The following MDGA2 variants were observed in gnomAD, a reference collection of about 807,000 sequenced individuals.
MDGA2 encodes MAM domain containing glycosylphosphatidylinositol anchor 2.
In MDGA2, 40 loss-of-function variants were observed where a neutral mutation model predicts 117.8. The observed-to-expected ratio is 0.34, with a 90% CI of 0.26 to 0.44. MDGA2 has a LOEUF of 0.44. Ranked by LOEUF, MDGA2 falls within the 20% of genes least tolerant of loss-of-function variation. MDGA2 has a pLI of 1.00. For missense variants in MDGA2, 1,123 were observed against 1,250.6 expected (o/e 0.90, Z 1.54); for synonymous variants, 452 against 439.0 (o/e 1.03, Z -0.37).
intron 3 of MDGA2, among the ~76,000 whole-genome samples, chr14:47,171,662 G>A (rs1002384559): frequency 2.0e-5 from 3 of 152,210 alleles, no homozygotes; most frequent in Admixed American, 6.5e-5. Flanking sequence ...TTTGGAGAGG[G>A]CAGCCAAGAT....
At chr14:47,095,740 G>C (rs1215207712) in intron 6 of MDGA2, among the ~76,000 whole-genome samples, 1 of 151,884 alleles carries the variant, frequency 6.6e-6, no homozygotes, top group Admixed American at 6.6e-5. Flanking sequence ...GTTTTGAATA[G>C]AGTATACTTT....
intron 2 of MDGA2, among the ~76,000 whole-genome samples, chr14:47,250,715 T>A (rs900365358): frequency 6.6e-6 from 1 of 152,244 alleles, no homozygotes; most frequent in Non-Finnish European, 1.5e-5. Context: ...CAGTTCTAAG[T>A]TTTTTGTTGT....
intron 1 of MDGA2, among the ~76,000 whole-genome samples, chr14:47,401,152 A>C (rs534260342): frequency 1.6e-4 from 24 of 152,098 alleles, no homozygotes; most frequent in African/African-American, 5.1e-4. Context: ...CAAGTAGATA[A>C]ATTAACAACC....
chr14:47,312,927 C>CATATATAT (rs10672253), intron 1 of MDGA2, among the ~76,000 whole-genome samples: 22 of 146,470 alleles, frequency 1.5e-4, no homozygotes, highest in East Asian at 6.0e-4. Flanking sequence ...TATATATATA[C>CATATATAT]ATATATATAT....
intron 1 of MDGA2, among the ~76,000 whole-genome samples, chr14:47,478,105 G>A (rs1398818361): frequency 6.6e-6 from 1 of 152,094 alleles, no homozygotes; most frequent in Non-Finnish European, 1.5e-5. Flanking sequence ...CAATGCCAAA[G>A]GCAAAACTCA....
chr14:47,122,037 T>C (rs910355209), intron 5 of MDGA2, among the ~76,000 whole-genome samples: 2 of 152,036 alleles, frequency 1.3e-5, no homozygotes, highest in African/African-American at 4.8e-5. Context: ...TGTGTACTTA[T>C]GGGCTGCATC....
chr14:47,261,416 G>A lies in MDGA2; in HGVS notation c.420+39995C>T, dbSNP rs188013435. Among the ~76,000 whole-genome samples, 680 of 152,152 alleles carry A rather than the reference G, an allele frequency of 4.5e-3. 2 individuals carry two copies. Among genetic ancestry groups the A allele is most frequent in the Admixed American group, 0.011 (167 of 15,260 alleles). On this transcript the variant is annotated intron_variant, in intron 2 of 16. Transcript: ENST00000399232. ...TCCAGAAGATTTTAACAAGGAAAAA[G>A]GTAATGCAATAAGTAAGTAAGGATC...
At chr14:46,967,043 T>A (rs895011616) in intron 8 of MDGA2, among the ~76,000 whole-genome samples, 18 of 140,322 alleles carry the variant, frequency 1.3e-4, no homozygotes, top group East Asian at 6.4e-4. Context: ...GCAATTTTTT[T>A]AATTTTAAAA....
At chr14:47,097,932 A>C (rs570913377) in intron 5 of MDGA2, among the ~76,000 whole-genome samples, 2 of 152,156 alleles carry the variant, frequency 1.3e-5, no homozygotes, top group Admixed American at 6.6e-5. Flanking sequence ...CAGCCTTTTC[A>C]TCAAACACTC....
At chr14:47,659,671 C>G (rs1298349016) in intron 1 of MDGA2, among the ~76,000 whole-genome samples, 1 of 152,134 alleles carries the variant, frequency 6.6e-6, no homozygotes, top group Non-Finnish European at 1.5e-5. Flanking sequence ...ACTATCCACT[C>G]TCACTCAAAA....
At chr14:47,194,085 CT>C (rs1885205153) in intron 3 of MDGA2, among the ~76,000 whole-genome samples, 1 of 152,116 alleles carries the variant, frequency 6.6e-6, no homozygotes, top group Non-Finnish European at 1.5e-5. Context: ...AATTATATTT[CT>C]ATTTTACTAT....
intron 3 of MDGA2, among the ~76,000 whole-genome samples, chr14:47,163,047 C>G (rs1365358990): frequency 6.6e-6 from 1 of 152,190 alleles, no homozygotes; most frequent in Non-Finnish European, 1.5e-5. Flanking sequence ...ACTTCTGCTT[C>G]TGACACAGGA....
chr14:47,368,387 T>A (rs922497660), intron 1 of MDGA2, among the ~76,000 whole-genome samples: 1 of 152,198 alleles, frequency 6.6e-6, no homozygotes, highest in African/African-American at 2.4e-5. Flanking sequence ...ACACTAACTT[T>A]AACAAAATAT....
At position 47,142,759 on chromosome 14, in the gene MDGA2, T is replaced by C. The variant is rs145250185; in HGVS notation, c.792+1319A>G. On this transcript the variant is annotated intron_variant, in intron 4 of 16. Coordinates refer to ENST00000399232, the MANE Select transcript of MDGA2 (RefSeq NM_001113498.3). ...AGTCCTGCCTGCTGGCAGAGAACACTTAGTATCATAGTGGCCTAAATCAAG... is the reference window on the plus strand; with the variant it reads ...AGTCCTGCCTGCTGGCAGAGAACACCTAGTATCATAGTGGCCTAAATCAAG... Among the ~76,000 whole-genome samples, 387 of 152,258 alleles carry C rather than the reference T, an allele frequency of 2.5e-3. 3 individuals are homozygous for C. Among genetic ancestry groups the C allele is most frequent in the African/African-American group, 8.8e-3 (365 of 41,550 alleles).
At chr14:46,873,386 T>C in intron 14 of MDGA2, 47 bp downstream of exon 14, 1 of 1,507,572 alleles carries the variant, frequency 6.6e-7, no homozygotes, top group Non-Finnish European at 8.9e-7. Flanking sequence ...CTTTTTCTTC[T>C]TAGTTATCAT....
intron 5 of MDGA2, among the ~76,000 whole-genome samples, chr14:47,109,436 G>C (rs1566629850): frequency 6.6e-6 from 1 of 152,078 alleles, no homozygotes. Flanking sequence ...CCCCTCATTA[G>C]GACATTTGCC....
intron 3 of MDGA2, among the ~76,000 whole-genome samples, chr14:47,210,967 A>T (rs1023486436): frequency 1.3e-5 from 2 of 152,208 alleles, no homozygotes; most frequent in Non-Finnish European, 2.9e-5. Context: ...TAGGTAACAC[A>T]GCAAACCCTG....
chr14:47,423,655 T>C (rs1185993201), intron 1 of MDGA2, among the ~76,000 whole-genome samples: 1 of 152,170 alleles, frequency 6.6e-6, no homozygotes, highest in African/African-American at 2.4e-5. Flanking sequence ...TTTATTTTCT[T>C]ACTTATGTAG....
rs1890684113 is a variant in MDGA2, at chr14:47,343,178, G to C, written c.281-41628C>G. On this transcript the variant is annotated intron_variant, in intron 1 of 16. Transcript: ENST00000399232. ...AGGACTAATTTCCACTTATCATTCT[G>C]GTACAGGCTCAAGCTATTAAAAGGA... The C allele has an allele frequency of 1.9e-5, 22 of 1,140,428 alleles. No individual in the cohort carries two copies. In the South Asian group the frequency reaches 3.4e-4, roughly 18 times the overall value. The allele number at this position is 1,140,428 out of a possible 1,614,324, so 70.6% of individuals were successfully genotyped here.
Sources: allele counts gnomAD v4.1 joint callset (sites outside exome capture counted in the v4.1 genomes callset), GRCh38; gene constraint gnomAD v4.1.1; transcripts MANE v1.5; gene names NCBI Gene and HGNC (gene_info 2026-07-23, HGNC 2026-07-21).